GYPC: variants seen among roughly 807,000 people sequenced by gnomAD.
The protein encoded by GYPC is glycophorin-C.
In GYPC, 14 loss-of-function variants were observed where a neutral mutation model predicts 12.6. The observed-to-expected ratio is 1.11, with a 90% CI of 0.74 to 1.74. The LOEUF is 1.74. Among genes scored for constraint, GYPC ranks in the 40% most tolerant of loss-of-function variants. The probability of loss-of-function intolerance (pLI) is 0.00; values close to 1 mark genes in which losing one functional copy is unlikely to be tolerated. For missense variants in GYPC, 225 were observed against 172.1 expected (o/e 1.31, Z -1.72); for synonymous variants, 78 against 62.1 (o/e 1.26, Z -1.20).
intron 3 of GYPC, 84 bp from the exon 4 acceptor site, chr2:126,695,862 C>A: frequency 1.9e-6 from 2 of 1,047,878 alleles, no homozygotes; most frequent in Non-Finnish European, 3.0e-6. Flanking sequence ...TCTGTCCTCA[C>A]ACAACCCCTG....
chr2:126,657,973 G>A (rs1682415278), intron 1 of GYPC: 1 of 152,410 alleles, frequency 6.6e-6, no homozygotes, highest in Admixed American at 6.5e-5. Context: ...CTGCTCATCA[G>A]AGCCAGAGGT....
At chr2:126,677,861 G>A (rs1046768146) in intron 1 of GYPC, among the ~76,000 whole-genome samples, 5 of 152,162 alleles carry the variant, frequency 3.3e-5, no homozygotes, top group Admixed American at 2.0e-4. Flanking sequence ...TTTGGAAAGA[G>A]CCATTTGTTG....
intron 1 of GYPC, among the ~76,000 whole-genome samples, chr2:126,688,857 G>T (rs34336111): frequency 4.6e-5 from 7 of 152,184 alleles, no homozygotes; most frequent in Non-Finnish European, 1.0e-4. Context: ...TATAATTAAA[G>T]TGATCATCTG....
chr2:126,672,724 A>G (rs767952435), intron 1 of GYPC, among the ~76,000 whole-genome samples: 1 of 152,148 alleles, frequency 6.6e-6, no homozygotes, highest in Non-Finnish European at 1.5e-5. Context: ...TGGACAGAGA[A>G]CAGAACTGTG....
chr2:126,685,561 T>C (rs1005835873), intron 1 of GYPC, among the ~76,000 whole-genome samples: 4 of 152,092 alleles, frequency 2.6e-5, no homozygotes, highest in Non-Finnish European at 4.4e-5. Flanking sequence ...ATTTTTGTAT[T>C]TTTAGTAGAG....
At chr2:126,670,583 G>A (rs1682822834) in intron 1 of GYPC, among the ~76,000 whole-genome samples, 1 of 152,188 alleles carries the variant, frequency 6.6e-6, no homozygotes, top group Admixed American at 6.5e-5. Flanking sequence ...ATATCGCATG[G>A]GTCACAGGCT....
chr2:126,665,489 C>T (rs1199983290), intron 1 of GYPC, among the ~76,000 whole-genome samples: 2 of 152,312 alleles, frequency 1.3e-5, no homozygotes, highest in South Asian at 2.1e-4. Context: ...GGGGAACCAC[C>T]GATTCATGGG....
In GYPC at chr2:126,677,299, G is replaced by A. The variant is rs1207298694; in HGVS notation, c.50-12956G>A. 1.1e-4 allele frequency among the ~76,000 whole-genome samples: 16 copies of A among 151,424 alleles called. No individual in the cohort carries two copies. In the Admixed American group the frequency reaches 1.1e-3, roughly 10 times the overall value. On this transcript the variant is annotated intron_variant, in intron 1 of 3. Coordinates refer to ENST00000259254, the MANE Select transcript of GYPC (RefSeq NM_002101.5). ...TGTGAGAGTGTGTGAGTGTGTTAGAGTGTGTGAGTGTGTGTGAGAATGTGT... is the reference window on the plus strand; with the variant it reads ...TGTGAGAGTGTGTGAGTGTGTTAGAATGTGTGAGTGTGTGTGAGAATGTGT...
intron 1 of GYPC, chr2:126,686,074 A>G: frequency 1.0e-6 from 1 of 985,104 alleles, no homozygotes; most frequent in Non-Finnish European, 1.2e-6. Context: ...GCCATAGGAG[A>G]TGGGCCGGGA....
chr2:126,658,190 T>C (rs978529881), intron 1 of GYPC: 2 of 152,246 alleles, frequency 1.3e-5, no homozygotes, highest in African/African-American at 4.8e-5. Context: ...AAGCAGAGGA[T>C]TGCATTAAGT....
chr2:126,693,189 G>C (rs931050447), intron 2 of GYPC, among the ~76,000 whole-genome samples: 2 of 152,250 alleles, frequency 1.3e-5, no homozygotes, highest in Non-Finnish European at 2.9e-5. Context: ...GAGGGAGGGA[G>C]GGAGTTCTAG....
intron 1 of GYPC, among the ~76,000 whole-genome samples, chr2:126,668,358 T>C (rs1682744367): frequency 6.6e-6 from 1 of 152,104 alleles, no homozygotes; most frequent in Non-Finnish European, 1.5e-5. Flanking sequence ...CGAGACAAGT[T>C]TGAGATCTCC....
Position 126,683,659 on chromosome 2 carries a change from G to C in GYPC, c.50-6596G>C, listed in dbSNP as rs562647478. ...ATTTTTTTTCTAAGGCTCAGGGCGA[G>C]TAACAGGGAAATCTATACAGAGGAA... On this transcript the variant is annotated intron_variant, in intron 1 of 3. Transcript: ENST00000259254. Among the ~76,000 whole-genome samples, 4 of 152,310 alleles carry C rather than the reference G, an allele frequency of 2.6e-5. No homozygotes were observed. In the East Asian group the frequency reaches 7.7e-4, roughly 29 times the overall value.
rs76952883 is a variant in GYPC at position 126,668,249 on chromosome 2, T to C, written c.49+11937T>C. 9.2e-3 allele frequency among the ~76,000 whole-genome samples: 1,401 copies of C among 152,276 alleles called. 18 individuals are homozygous for C. Among genetic ancestry groups the C allele is most frequent in the Non-Finnish European group, 0.013 (913 of 68,028 alleles). On this transcript the variant is annotated intron_variant, in intron 1 of 3. Coordinates refer to ENST00000259254, the MANE Select transcript of GYPC (RefSeq NM_002101.5). ...TTATAAAATTAATTCTTAGATGAAG[T>C]CTAGAAATACATAAGAGATAAAAGT...
At chr2:126,662,018 C>T (rs1409988098) in intron 1 of GYPC, among the ~76,000 whole-genome samples, 2 of 152,238 alleles carry the variant, frequency 1.3e-5, no homozygotes, top group African/African-American at 2.4e-5. Context: ...GCCTCACACC[C>T]GCTGCTCCCA....
In GYPC at chr2:126,659,983, G is replaced by A. The variant is rs28387092; in HGVS notation, c.49+3671G>A. On this transcript the variant is annotated intron_variant, in intron 1 of 3. Coordinates refer to ENST00000259254, the MANE Select transcript of GYPC (RefSeq NM_002101.5). ...TTTTGTATTTTTTGTAGAGACTTTC[G>A]GATGAAACACCAGAGGCTCGGGGGA... is the stretch of plus-strand genomic sequence containing the variant. Among the ~76,000 whole-genome samples, 222 of 152,106 alleles carry A rather than the reference G, an allele frequency of 1.5e-3. 2 individuals are homozygous for A. The highest frequency in any genetic ancestry group is 4.8e-3 in the African/African-American group (198 of 41,488).
chr2:126,677,148 C>T (rs989768678), intron 1 of GYPC, among the ~76,000 whole-genome samples: 1 of 151,722 alleles, frequency 6.6e-6, no homozygotes, highest in African/African-American at 2.4e-5. Context: ...GTGTGTGCAC[C>T]TGTCTGTGCA....
chr2:126,670,563 A>G (rs1166550819), intron 1 of GYPC, among the ~76,000 whole-genome samples: 1 of 152,184 alleles, frequency 6.6e-6, no homozygotes, highest in Non-Finnish European at 1.5e-5. Flanking sequence ...GCGCTCTGAC[A>G]AGAAGCAGGA....
intron 2 of GYPC, among the ~76,000 whole-genome samples, chr2:126,690,699 C>T (rs979608762): frequency 5.9e-5 from 9 of 152,038 alleles, no homozygotes; most frequent in East Asian, 1.9e-4. Flanking sequence ...ACTTCTCCAC[C>T]GTCTCCCTCA....
Sources: allele counts gnomAD v4.1 joint callset (sites outside exome capture counted in the v4.1 genomes callset), GRCh38; gene constraint gnomAD v4.1.1; transcripts MANE v1.5; gene names NCBI Gene and HGNC (gene_info 2026-07-23, HGNC 2026-07-21).